ALK: variants seen among roughly 807,000 people sequenced by gnomAD.
ALK encodes ALK receptor tyrosine kinase.
Under a neutral mutation model 163.1 loss-of-function variants are expected in ALK, and 74 were observed. The ratio of observed to expected loss-of-function variants is 0.45; its 90% CI spans 0.38 to 0.55. ALK has a LOEUF of 0.55. ALK is among the 20% of genes least tolerant of loss of function. The pLI is 0.00. For missense variants in ALK, 2,063 were observed against 2,105.3 expected (o/e 0.98, Z 0.39); for synonymous variants, 960 against 843.2 (o/e 1.14, Z -2.40).
At chr2:29,584,555 T>A (rs1674826287) in intron 3 of ALK, among the ~76,000 whole-genome samples, 1 of 152,174 alleles carries the variant, frequency 6.6e-6, no homozygotes, top group Non-Finnish European at 1.5e-5. Flanking sequence ...AAAATAGGAC[T>A]ATTCAAGGCC....
chr2:29,475,462 C>A (rs1329257663), intron 4 of ALK, among the ~76,000 whole-genome samples: 6 of 152,178 alleles, frequency 3.9e-5, no homozygotes, highest in African/African-American at 1.4e-4. Context: ...CAGAATCCCT[C>A]CCTCCACTAA....
rs984008457 is a variant in ALK, at chr2:29,271,946, C to T, written c.2041+3153G>A. ...TTAGCTGAGCTGATTCCCTTAGACT[C>T]GCCCTGCACAGACAGCCTCTGAGCT... is the stretch of plus-strand genomic sequence containing the variant. On this transcript the variant is annotated intron_variant, in intron 11 of 28. Coordinates refer to ENST00000389048, the MANE Select transcript of ALK (RefSeq NM_004304.5). Among the ~76,000 whole-genome samples, 6 of 152,138 alleles carry T rather than the reference C, an allele frequency of 3.9e-5. No homozygotes were observed. The East Asian group carries it at 7.7e-4, about 20-fold the overall frequency.
chr2:29,424,535 G>A (rs978722331), intron 4 of ALK, among the ~76,000 whole-genome samples: 55 of 152,304 alleles, frequency 3.6e-4, no homozygotes, highest in African/African-American at 1.3e-3. Flanking sequence ...AATTAGCAAA[G>A]TCAAGAAGGT....
chr2:29,752,372 C>A (rs1238504535), intron 1 of ALK, among the ~76,000 whole-genome samples: 15 of 127,190 alleles, frequency 1.2e-4, no homozygotes, highest in African/African-American at 4.6e-4. Flanking sequence ...TTTTTTGAGA[C>A]GGAGTTTCGC....
At chr2:29,848,620 G>A (rs1665910313) in intron 1 of ALK, among the ~76,000 whole-genome samples, 1 of 152,182 alleles carries the variant, frequency 6.6e-6, no homozygotes, top group African/African-American at 2.4e-5. Flanking sequence ...AAGAGGGGTA[G>A]GCTCTCTGGT....
intron 3 of ALK, among the ~76,000 whole-genome samples, chr2:29,604,545 A>T (rs942229509): frequency 6.6e-6 from 1 of 152,216 alleles, no homozygotes; most frequent in Non-Finnish European, 1.5e-5. Flanking sequence ...TATCTGGGAT[A>T]GGTAAATATC....
At chr2:29,860,449 A>G (rs1322793357) in intron 1 of ALK, among the ~76,000 whole-genome samples, 1 of 152,140 alleles carries the variant, frequency 6.6e-6, no homozygotes, top group Non-Finnish European at 1.5e-5. Context: ...TACCAATAGC[A>G]ATTATCAAGA....
At chr2:29,732,010 G>A (rs571616590) in intron 1 of ALK, among the ~76,000 whole-genome samples, 37 of 152,260 alleles carry the variant, frequency 2.4e-4, no homozygotes, top group African/African-American at 8.9e-4. Flanking sequence ...CGCACACTGG[G>A]TAAACCCTGG....
intron 4 of ALK, among the ~76,000 whole-genome samples, chr2:29,515,779 G>T (rs1388611301): frequency 6.6e-6 from 1 of 152,184 alleles, no homozygotes; most frequent in Non-Finnish European, 1.5e-5. Context: ...TTTCAGCACG[G>T]AAGATGCAGA....
chr2:29,547,745 T>TA (rs898792984), intron 3 of ALK, among the ~76,000 whole-genome samples: 3 of 151,864 alleles, frequency 2.0e-5, no homozygotes, highest in Admixed American at 6.6e-5. Context: ...ACTGGAAGTT[T>TA]AAAAAAAAGA....
At chr2:29,398,953 G>A (rs1669376892) in intron 4 of ALK, among the ~76,000 whole-genome samples, 1 of 152,190 alleles carries the variant, frequency 6.6e-6, no homozygotes, top group African/African-American at 2.4e-5. Flanking sequence ...ACAGGGTGAG[G>A]CTTGTGTGGC....
intron 4 of ALK, among the ~76,000 whole-genome samples, chr2:29,518,875 T>A (rs1363585869): frequency 6.6e-6 from 1 of 152,174 alleles, no homozygotes; most frequent in Non-Finnish European, 1.5e-5. Context: ...CTATCATGTG[T>A]TGGGTGCTGA....
chr2:29,749,163 A>G (rs1105352), intron 1 of ALK, among the ~76,000 whole-genome samples: 68 of 152,244 alleles, frequency 4.5e-4, no homozygotes, highest in South Asian at 1.0e-3. Flanking sequence ...AGGGCTTATT[A>G]AAGCTCAAAG....
chr2:29,776,978 G>T (rs1681194175), intron 1 of ALK, among the ~76,000 whole-genome samples: 2 of 152,100 alleles, frequency 1.3e-5, no homozygotes, highest in African/African-American at 4.8e-5. Context: ...CAAGGGTTCT[G>T]ACCCCCAATC....
intron 3 of ALK, among the ~76,000 whole-genome samples, chr2:29,627,619 T>C (rs1298790739): frequency 6.6e-6 from 1 of 152,042 alleles, no homozygotes; most frequent in African/African-American, 2.4e-5. Flanking sequence ...GAGGCGTGAG[T>C]CATGTCTTGT....
At chr2:29,892,086 C>T (rs1294609243) in intron 1 of ALK, among the ~76,000 whole-genome samples, 1 of 152,192 alleles carries the variant, frequency 6.6e-6, no homozygotes, top group African/African-American at 2.4e-5. Context: ...ACCTGCACCC[C>T]CACCATGGAA....
chr2:29,588,127 G>A (rs749339892), intron 3 of ALK, among the ~76,000 whole-genome samples: 38 of 152,260 alleles, frequency 2.5e-4, no homozygotes, highest in South Asian at 8.3e-4. Context: ...GACTGTGTCC[G>A]TTTATGCAGT....
intron 12 of ALK, among the ~76,000 whole-genome samples, chr2:29,240,061 T>C (rs1318493560): frequency 6.7e-6 from 1 of 148,660 alleles, no homozygotes; most frequent in Non-Finnish European, 1.5e-5. Context: ...GGTGAAAGAC[T>C]AGTAAAGGGT....
rs201403942 is a variant in ALK at position 29,889,256 on chromosome 2, T to C, written c.667+30737A>G. 9.5e-4 allele frequency among the ~76,000 whole-genome samples: 8 copies of C among 8,416 alleles called. No homozygotes were observed. The South Asian group carries it at 0.012, about 12-fold the overall frequency. The allele number at this position is 8,416 out of a possible 152,430, so 5.5% of individuals were successfully genotyped here. ...AAGAAAGGAAAAATATATATACACA[T>C]ATATATATATACACATATATATCAT... On this transcript the variant is annotated intron_variant, in intron 1 of 28. Transcript: ENST00000389048.
Sources: allele counts gnomAD v4.1 joint callset (sites outside exome capture counted in the v4.1 genomes callset), GRCh38; gene constraint gnomAD v4.1.1; transcripts MANE v1.5; gene names NCBI Gene and HGNC (gene_info 2026-07-23, HGNC 2026-07-21).